Variants in SPSB1 observed in about 807,000 individuals in gnomAD.
SPSB1 encodes splA/ryanodine receptor domain and SOCS box containing 1.
Under a neutral mutation model 21.2 loss-of-function variants are expected in SPSB1, and 8 were observed. The ratio of observed to expected loss-of-function variants is 0.38; its 90% CI spans 0.22 to 0.68. The LOEUF (loss-of-function observed/expected upper bound fraction) is 0.68, where lower values mean the gene tolerates loss of function less well. SPSB1 is among the 30% of genes least tolerant of loss of function. The pLI is 0.53. For missense variants in SPSB1, 242 were observed against 377.8 expected, an observed-to-expected ratio of 0.64 and a Z score of 2.98; for synonymous variants, 169 against 161.7, an observed-to-expected ratio of 1.05 and a Z score of -0.34.
intron 1 of SPSB1, among the ~76,000 whole-genome samples, chr1:9,301,932 T>C (rs1639337097): frequency 6.6e-6 from 1 of 152,194 alleles, no homozygotes. Context: ...GGATACAGAT[T>C]CGTCTTCCCT....
intron 2 of SPSB1, among the ~76,000 whole-genome samples, chr1:9,364,976 C>T (rs777451849): frequency 7.2e-5 from 11 of 152,114 alleles, no homozygotes; most frequent in African/African-American, 1.9e-4. Context: ...CTTAGCCTCC[C>T]GAGTAGCCGG....
chr1:9,341,185 A>G (rs987028250), intron 1 of SPSB1, among the ~76,000 whole-genome samples: 1 of 152,226 alleles, frequency 6.6e-6, no homozygotes, highest in Admixed American at 6.5e-5. Context: ...AACTTCCCGC[A>G]GTACTTAGGT....
At chr1:9,350,422 C>G (rs920843487) in intron 1 of SPSB1, among the ~76,000 whole-genome samples, 2 of 152,220 alleles carry the variant, frequency 1.3e-5, no homozygotes, top group African/African-American at 4.8e-5. Context: ...GTGACTAATG[C>G]AAGAGTGTGC....
chr1:9,357,157 ATGGGTGGATGGATGGGTGGATGGATGAG>A (rs1640382550), intron 2 of SPSB1, among the ~76,000 whole-genome samples: 4 of 146,704 alleles, frequency 2.7e-5, no homozygotes, highest in Admixed American at 2.7e-4. Flanking sequence ...GGGTGGATGG[ATGGGTGGATGGATGGGTGGATGGATGAG>A]TGGATGGATG....
At position 9,332,813 on chromosome 1, in the gene SPSB1, G is replaced by A. The variant is rs376015206; in HGVS notation, c.-149-22930G>A. ...GCCCGTTCAATTTATCGATTAGGAG[G>A]TCATGATCTTGGAAGAGCATTTTCC... On this transcript the variant is annotated intron_variant, in intron 1 of 2. Transcript: ENST00000328089. Among the ~76,000 whole-genome samples the A allele has an allele frequency of 1.7e-4, 26 of 152,328 alleles. 1 individual carries two copies. The highest frequency in any genetic ancestry group is 1.2e-3 in the East Asian group (6 of 5,194).
At chr1:9,347,423 A>T (rs927188964) in intron 1 of SPSB1, among the ~76,000 whole-genome samples, 5 of 152,216 alleles carry the variant, frequency 3.3e-5, no homozygotes, top group African/African-American at 7.2e-5. Flanking sequence ...CATGCATTTT[A>T]AAAAATTCAA....
At chr1:9,322,485 G>A (rs1639736890) in intron 1 of SPSB1, among the ~76,000 whole-genome samples, 1 of 152,184 alleles carries the variant, frequency 6.6e-6, no homozygotes, top group African/African-American at 2.4e-5. Flanking sequence ...CACCTACTGG[G>A]CCCTTGGCCA....
chr1:9,299,775 G>T (rs545686777), intron 1 of SPSB1, among the ~76,000 whole-genome samples: 6 of 152,136 alleles, frequency 3.9e-5, no homozygotes, highest in Admixed American at 2.0e-4. Context: ...CACTGCGCCC[G>T]GGCCGACATC....
intron 1 of SPSB1, among the ~76,000 whole-genome samples, chr1:9,315,127 G>T (rs1247268239): frequency 6.6e-6 from 1 of 152,238 alleles, no homozygotes; most frequent in Non-Finnish European, 1.5e-5. Context: ...GGTGAGGAGG[G>T]CAAGGCTGAG....
Position 9,293,017 on chromosome 1 carries a change from C to T in SPSB1, c.-204C>T. The stretch of plus-strand genomic sequence containing the variant: ...CTCCCTGCGGCGGGCGCGGCCCGGG[C>T]GCCCGAGCCTCCTCGGCCTTGGAGA... On this transcript the variant is annotated 5_prime_UTR_variant, in exon 1 of 3. Coordinates refer to ENST00000328089, the MANE Select transcript of SPSB1 (RefSeq NM_025106.4). The surrounding 1 kb of genome is among the most constrained non-coding windows in gnomAD (Gnocchi z 5.1). 1 of 982,528 alleles carries T rather than the reference C, an allele frequency of 1.0e-6. No homozygotes were observed. The highest frequency in any genetic ancestry group is 1.2e-6 in the Non-Finnish European group (1 of 828,424). 60.9% of individuals were successfully genotyped at this position (982,528 alleles called of 1,614,324 possible).
At chr1:9,309,678 A>G (rs111957386) in intron 1 of SPSB1, among the ~76,000 whole-genome samples, 2,065 of 152,224 alleles carry the variant, frequency 0.014, 44 homozygotes, top group African/African-American at 0.047. Context: ...CCCCGTCTCT[A>G]CTAAAAATAT....
intron 1 of SPSB1, among the ~76,000 whole-genome samples, chr1:9,295,223 T>A (rs4989532): frequency 0.35 from 52,188 of 147,280 alleles, 9,513 homozygotes; most frequent in East Asian, 0.57. Flanking sequence ...TGTGAGTGTG[T>A]GTGTGTGTGT....
rs570627303 is a variant in SPSB1, at chr1:9,346,883, G to T, written c.-149-8860G>T. On this transcript the variant is annotated intron_variant, in intron 1 of 2. Transcript: ENST00000328089. The surrounding 1 kb of genome is among the most constrained non-coding windows in gnomAD (Gnocchi z 4.4). ...TCTGGGTCAGTAGAGAGAGACAGCC[G>T]CCCCATTTTTACGGGGCTAATTAAA... is the stretch of plus-strand genomic sequence containing the variant. Among the ~76,000 whole-genome samples, 1 of 152,332 alleles carries T rather than the reference G, an allele frequency of 6.6e-6. No individual in the cohort carries two copies. The highest frequency in any genetic ancestry group is 2.4e-5 in the African/African-American group (1 of 41,576).
chr1:9,362,884 G>T lies in SPSB1; in HGVS notation c.695-4564G>T, dbSNP rs539498182. Among the ~76,000 whole-genome samples, 6 of 152,374 alleles carry T rather than the reference G, an allele frequency of 3.9e-5. No homozygotes were observed. The South Asian group carries it at 1.2e-3, about 32-fold the overall frequency. On this transcript the variant is annotated intron_variant, in intron 2 of 2. Transcript: ENST00000328089. ...ATTCAGCATTGCACTCTCATTCACA[G>T]AAATTATTTAAATGAATGAGCGCCT...
At chr1:9,338,278 A>T (rs1303093019) in intron 1 of SPSB1, among the ~76,000 whole-genome samples, 2 of 152,074 alleles carry the variant, frequency 1.3e-5, no homozygotes, top group Non-Finnish European at 2.9e-5. Context: ...GCTCCCCAGG[A>T]CCCCTTTGTG....
chr1:9,303,575 T>A (rs1316572082), intron 1 of SPSB1, among the ~76,000 whole-genome samples: 2 of 152,242 alleles, frequency 1.3e-5, no homozygotes, highest in African/African-American at 4.8e-5. Context: ...TAGCAGTATT[T>A]AAGTATTAAT....
rs1640159338 is a variant in SPSB1, at chr1:9,345,786, A to G, written c.-149-9957A>G. On this transcript the variant is annotated intron_variant, in intron 1 of 2. Coordinates refer to ENST00000328089, the MANE Select transcript of SPSB1 (RefSeq NM_025106.4). This position sits in a 1 kb window ranked among gnomAD's most constrained non-coding sequence, Gnocchi z 4.8. ...GACCGTGTGGGATTTTCTCTCCAAA[A>G]TCACTTGTCAGAACTTTCCAGAAGG... Among the ~76,000 whole-genome samples the G allele has an allele frequency of 6.6e-6, 1 of 152,140 alleles. No individual in the cohort carries two copies. The highest frequency in any genetic ancestry group is 2.4e-5 in the African/African-American group (1 of 41,426).
chr1:9,309,325 TGTGTGTGTGA>T (rs879550007), intron 1 of SPSB1, among the ~76,000 whole-genome samples: 4,273 of 146,228 alleles, frequency 0.029, 65 homozygotes, highest in Middle Eastern at 0.046. Context: ...TGTGTGTGTG[TGTGTGTGTGA>T]GTGACAGATT....
rs756989896 is a variant in SPSB1, at chr1:9,356,148, C to G, written c.257C>G (p.Ala86Gly). The change falls in exon 2 of 3, where the codon GCT becomes GGT. Residue 86 changes from alanine to glycine, a missense_variant. By Grantham distance (60) the Ala-to-Gly change is moderately conservative. Transcript: ENST00000328089. The surrounding 1 kb of genome is among the most constrained non-coding windows in gnomAD (Gnocchi z 7.4). Reference sequence around the variant, plus strand: ...CATCCGGTGGCCCAGAGCACGGACGCTATCAGGGGCAAAGTCGGGTATACC... The same window carrying G: ...CATCCGGTGGCCCAGAGCACGGACGGTATCAGGGGCAAAGTCGGGTATACC... The part of the protein sequence containing the change: ...HRHPVAQSTD[A>G]IRGKVGYTRG... 7 of 1,590,156 alleles carry G rather than the reference C, an allele frequency of 4.4e-6. No individual in the cohort carries two copies. The South Asian group carries it at 6.8e-5, about 16-fold the overall frequency.
Sources: gnomAD v4.1 joint callset for allele counts (sites outside exome capture counted in the v4.1 genomes callset) on GRCh38, gnomAD v4.1.1 for gene constraint, Gnocchi (gnomAD v3.1) non-coding constraint, MANE v1.5 for transcripts, NCBI Gene and HGNC (gene_info 2026-07-23, HGNC 2026-07-21) for gene names.